JAM2: variants seen among roughly 807,000 people sequenced by gnomAD.
JAM2 encodes junctional adhesion molecule B.
JAM2 carries 17 observed loss-of-function variants against 42.0 expected under a neutral mutation model. The ratio of observed to expected loss-of-function variants is 0.40; its 90% CI spans 0.28 to 0.61. The LOEUF is 0.61. Ranked by LOEUF, JAM2 falls within the 20% of genes least tolerant of loss-of-function variation. The probability of loss-of-function intolerance (pLI) is 0.37; values close to 1 mark genes in which losing one functional copy is unlikely to be tolerated. For missense variants in JAM2, 319 were observed against 358.3 expected (o/e 0.89, Z 0.89); for synonymous variants, 118 against 128.6 (o/e 0.92, Z 0.56).
rs898894238 is a variant in JAM2, at chr21:25,716,769, G to C, written c.*2097G>C. ...TCCCAACTCATGGTGGTGAAGTACAGAAAAAAACACCTGTCTACAAGCTTT... is the reference window on the plus strand; with the variant it reads ...TCCCAACTCATGGTGGTGAAGTACACAAAAAAACACCTGTCTACAAGCTTT... On this transcript the variant is annotated 3_prime_UTR_variant, in exon 10 of 10. Coordinates refer to ENST00000480456, the MANE Select transcript of JAM2 (RefSeq NM_021219.4). The C allele has an allele frequency of 1.3e-5, 2 of 152,098 alleles. No individual in the cohort carries two copies. Among genetic ancestry groups the C allele is most frequent in the Non-Finnish European group, 2.9e-5 (2 of 68,014 alleles). The allele number at this position is 152,098 out of a possible 1,614,324, so 9.4% of individuals were successfully genotyped here. A position where few individuals can be genotyped will look rare whatever the true frequency, so the allele number is the denominator to read the frequency against.
intron 1 of JAM2, among the ~76,000 whole-genome samples, chr21:25,683,634 G>A (rs748607687): frequency 4.6e-5 from 7 of 152,146 alleles, no homozygotes; most frequent in Non-Finnish European, 8.8e-5. Flanking sequence ...GTTGTCTGGG[G>A]TGGGGTCCAA....
At chr21:25,681,210 T>C (rs1041587282) in intron 1 of JAM2, among the ~76,000 whole-genome samples, 3 of 152,196 alleles carry the variant, frequency 2.0e-5, no homozygotes, top group Non-Finnish European at 4.4e-5. Context: ...GGACAGCAGT[T>C]GGATTGTTTT....
At chr21:25,675,413 T>C (rs1005198596) in intron 1 of JAM2, among the ~76,000 whole-genome samples, 1 of 151,894 alleles carries the variant, frequency 6.6e-6, no homozygotes. Flanking sequence ...CGAAAACCAG[T>C]TGAGCCCGGG....
intron 1 of JAM2, among the ~76,000 whole-genome samples, chr21:25,671,465 TTA>T (rs888240369): frequency 1.3e-5 from 2 of 152,142 alleles, no homozygotes; most frequent in African/African-American, 4.8e-5. Flanking sequence ...ATGTGCCTAT[TTA>T]TTATATACAA....
chr21:25,714,680 ACT>A lies in JAM2; in HGVS notation c.*9_*10del. The A allele has an allele frequency of 3.3e-6, 5 of 1,499,666 alleles. No homozygotes were observed. The highest frequency in any genetic ancestry group is 4.5e-6 in the Non-Finnish European group (5 of 1,118,818). The allele number at this position is 1,499,666 out of a possible 1,614,324, so 92.9% of individuals were successfully genotyped here. A position where few individuals can be genotyped will look rare whatever the true frequency, so the allele number is the denominator to read the frequency against. On this transcript the variant is annotated 3_prime_UTR_variant, in exon 10 of 10. Coordinates refer to ENST00000480456, the MANE Select transcript of JAM2 (RefSeq NM_021219.4). ...AAATCCTTTATAATTTAAAGACTCC[ACT>A]TTAGAGATACACCAAAGCCACCGTT... is the stretch of plus-strand genomic sequence containing the variant.
chr21:25,667,697 T>C (rs1211693648), intron 1 of JAM2, among the ~76,000 whole-genome samples: 2 of 152,210 alleles, frequency 1.3e-5, no homozygotes, highest in East Asian at 1.9e-4. Context: ...CCATTCCATC[T>C]TCTCCATAAT....
In JAM2 at chr21:25,716,160, G is replaced by A; in HGVS notation, c.*1488G>A. ...TTATAGGCGTGTACCACCACACCTG[G>A]CTAATTTTTGTATTTTAGTAGAGAA... On this transcript the variant is annotated 3_prime_UTR_variant, in exon 10 of 10. Coordinates refer to ENST00000480456, the MANE Select transcript of JAM2 (RefSeq NM_021219.4). 1 of 152,114 alleles carries A rather than the reference G, an allele frequency of 6.6e-6. No homozygotes were observed. The highest frequency in any genetic ancestry group is 1.5e-5 in the Non-Finnish European group (1 of 68,058). 9.4% of individuals were successfully genotyped at this position (152,114 alleles called of 1,614,324 possible). A position where few individuals can be genotyped will look rare whatever the true frequency, so the allele number is the denominator to read the frequency against.
intron 3 of JAM2, among the ~76,000 whole-genome samples, chr21:25,690,862 T>A (rs2123382516): frequency 1.3e-5 from 2 of 152,348 alleles, no homozygotes; most frequent in East Asian, 3.9e-4. Context: ...TATACATTTC[T>A]TTCTACTACC....
chr21:25,688,947 T>C (rs1000287152), intron 2 of JAM2, among the ~76,000 whole-genome samples: 38 of 151,986 alleles, frequency 2.5e-4, no homozygotes, highest in Non-Finnish European at 3.7e-4. Context: ...AAAAATACTT[T>C]TAAAAATATT....
intron 1 of JAM2, among the ~76,000 whole-genome samples, chr21:25,655,160 ATAT>A (rs2032894849): frequency 6.6e-6 from 1 of 152,156 alleles, no homozygotes; most frequent in Non-Finnish European, 1.5e-5. Flanking sequence ...ATTTGCTTTA[ATAT>A]TCTTCAATAA....
At chr21:25,681,734 G>A (rs1403803383) in intron 1 of JAM2, among the ~76,000 whole-genome samples, 1 of 152,138 alleles carries the variant, frequency 6.6e-6, no homozygotes, top group Non-Finnish European at 1.5e-5. Flanking sequence ...TGTAATCCCA[G>A]CACTTTGGGA....
chr21:25,655,918 T>C, intron 1 of JAM2, among the ~76,000 whole-genome samples: 1 of 151,728 alleles, frequency 6.6e-6, no homozygotes, highest in East Asian at 1.9e-4. Flanking sequence ...CTAATAGTTT[T>C]TTTTTTTTAA....
chr21:25,669,440 A>G (rs1007620628), intron 1 of JAM2, among the ~76,000 whole-genome samples: 4 of 152,088 alleles, frequency 2.6e-5, no homozygotes, highest in African/African-American at 9.7e-5. Context: ...CTAACAATTC[A>G]TTTTTCATAG....
At chr21:25,694,015 C>G in intron 4 of JAM2, 107 bp downstream of exon 4, 1 of 1,054,682 alleles carries the variant, frequency 9.5e-7, no homozygotes, top group East Asian at 2.6e-5. Context: ...CAACTGGGAG[C>G]CTCAACCAGT....
chr21:25,703,003 C>T (rs1201430271), intron 6 of JAM2, among the ~76,000 whole-genome samples: 2 of 152,146 alleles, frequency 1.3e-5, no homozygotes, highest in African/African-American at 4.8e-5. Context: ...CAGGCATGCC[C>T]ACCGCACCCA....
At chr21:25,640,248 AC>A (rs964600808) in intron 1 of JAM2, among the ~76,000 whole-genome samples, 3 of 151,986 alleles carry the variant, frequency 2.0e-5, no homozygotes, top group African/African-American at 7.3e-5. Context: ...AGATGCTAAG[AC>A]CCCAAGAAAG....
chr21:25,671,810 A>C (rs557113449), intron 1 of JAM2, among the ~76,000 whole-genome samples: 16 of 152,292 alleles, frequency 1.1e-4, no homozygotes, highest in African/African-American at 3.6e-4. Flanking sequence ...CGCCCAGCAG[A>C]AAAGGATTCT....
intron 4 of JAM2, among the ~76,000 whole-genome samples, chr21:25,696,057 A>G (rs1198093761): frequency 2.0e-5 from 3 of 152,178 alleles, no homozygotes; most frequent in Admixed American, 1.3e-4. Flanking sequence ...TGGAGGTTGT[A>G]GCGAGCCGAG....
At position 25,689,968 on chromosome 21, in the gene JAM2, T is replaced by G; in HGVS notation, c.236T>G (p.Leu79Arg). ...SVSFVYYQQTLQGDFKNRAEM... is the reference protein window; with the variant it reads ...SVSFVYYQQTRQGDFKNRAEM... ...TCCTTTGTCTACTATCAACAGACTC[T>G]TCAAGGTAAGCAGCTGTAGGCTTGA... Residue 79 changes from leucine to arginine, a missense_variant, in exon 3 of 10, where the codon CTT becomes CGT. Physicochemically the swap from Leu to Arg is moderately radical, Grantham distance 102 (BLOSUM62 -2). Transcript: ENST00000480456. 2.5e-6 allele frequency: 4 copies of G among 1,596,302 alleles called. No homozygotes were observed. The highest frequency in any genetic ancestry group is 3.4e-6 in the Non-Finnish European group (4 of 1,164,086).
Sources: allele counts gnomAD v4.1 joint callset (sites outside exome capture counted in the v4.1 genomes callset), GRCh38; gene constraint gnomAD v4.1.1; transcripts MANE v1.5; gene names NCBI Gene and HGNC (gene_info 2026-07-23, HGNC 2026-07-21).